EDIL3: variants seen among roughly 807,000 people sequenced by gnomAD.
EDIL3 encodes EGF like and discoidin domains 3, also known as EGF-like repeat and discoidin I-like domain-containing protein 3.
Under a neutral mutation model 67.4 loss-of-function variants are expected in EDIL3, and 37 were observed. That is an observed-to-expected ratio of 0.55 (90% CI 0.42 to 0.72). The LOEUF (loss-of-function observed/expected upper bound fraction) is 0.72, where lower values mean the gene tolerates loss of function less well. EDIL3 is among the 30% of genes least tolerant of loss of function. The pLI, the probability that EDIL3 is intolerant of heterozygous loss-of-function variation, is 0.00. For synonymous variants in EDIL3, 195 were observed against 196.3 expected, an observed-to-expected ratio of 0.99 and a Z score of 0.05; for missense variants, 527 against 586.3, an observed-to-expected ratio of 0.90 and a Z score of 1.04.
At chr5:83,993,069 G>A (rs1280302462) in intron 9 of EDIL3, among the ~76,000 whole-genome samples, 3 of 152,030 alleles carry the variant, frequency 2.0e-5, no homozygotes, top group Admixed American at 6.6e-5. Context: ...TAGTCAATAC[G>A]AAACATTAGA....
intron 9 of EDIL3, among the ~76,000 whole-genome samples, chr5:84,018,858 C>G (rs1003598722): frequency 3.3e-5 from 5 of 152,134 alleles, no homozygotes; most frequent in African/African-American, 9.7e-5. Context: ...CCATCTCACA[C>G]CAGTTAGAAT....
intron 3 of EDIL3, among the ~76,000 whole-genome samples, chr5:84,227,272 G>C (rs1439966182): frequency 6.6e-6 from 1 of 151,924 alleles, no homozygotes; most frequent in African/African-American, 2.4e-5. Flanking sequence ...ATTGGGCAAA[G>C]GACATGGACA....
chr5:84,205,063 C>A (rs577021968), intron 3 of EDIL3, among the ~76,000 whole-genome samples: 1 of 146,968 alleles, frequency 6.8e-6, no homozygotes, highest in African/African-American at 2.5e-5. Context: ...CAGGCACATG[C>A]CACCATGCCC....
intron 5 of EDIL3, among the ~76,000 whole-genome samples, chr5:84,130,776 T>C (rs1747950364): frequency 6.6e-6 from 1 of 152,166 alleles, no homozygotes; most frequent in African/African-American, 2.4e-5. Flanking sequence ...AACAGTGACA[T>C]CTTACAATAA....
chr5:84,318,431 A>T (rs1428802077), intron 1 of EDIL3, among the ~76,000 whole-genome samples: 2 of 152,190 alleles, frequency 1.3e-5, no homozygotes, highest in Non-Finnish European at 2.9e-5. Context: ...AGAAACCAAA[A>T]CAGCAAGGTA....
At chr5:83,986,367 G>GC (rs1745057485) in intron 9 of EDIL3, among the ~76,000 whole-genome samples, 1 of 152,074 alleles carries the variant, frequency 6.6e-6, no homozygotes, top group Non-Finnish European at 1.5e-5. Context: ...ACTTGAATTT[G>GC]TTATGCATTA....
At chr5:84,251,009 G>GT (rs1366397923) in intron 2 of EDIL3, among the ~76,000 whole-genome samples, 1 of 152,040 alleles carries the variant, frequency 6.6e-6, no homozygotes, top group Non-Finnish European at 1.5e-5. Context: ...TTGTTTGTTT[G>GT]TTTTTTAAAT....
intron 3 of EDIL3, among the ~76,000 whole-genome samples, chr5:84,208,938 C>G (rs567369496): frequency 6.6e-6 from 1 of 151,992 alleles, no homozygotes; most frequent in Non-Finnish European, 1.5e-5. Flanking sequence ...ATGTTTATTG[C>G]GGCATTATTC....
chr5:84,174,318 C>A (rs915648517), intron 4 of EDIL3, among the ~76,000 whole-genome samples: 1 of 152,166 alleles, frequency 6.6e-6, no homozygotes, highest in Admixed American at 6.5e-5. Context: ...TGTCTGAGGA[C>A]AGAGGCCATA....
At chr5:84,004,375 T>C (rs181598679) in intron 9 of EDIL3, among the ~76,000 whole-genome samples, 2 of 152,008 alleles carry the variant, frequency 1.3e-5, no homozygotes, top group Admixed American at 1.3e-4. Context: ...ACATACATTC[T>C]TCTCATCTCC....
chr5:84,349,211 T>G (rs527479146), intron 1 of EDIL3, among the ~76,000 whole-genome samples: 2 of 152,284 alleles, frequency 1.3e-5, no homozygotes, highest in Admixed American at 6.5e-5. Flanking sequence ...GAGGCAACAG[T>G]GCATCGGATT....
At chr5:84,144,277 CCTT>C (rs1748254363) in intron 4 of EDIL3, among the ~76,000 whole-genome samples, 1 of 65,044 alleles carries the variant, frequency 1.5e-5, no homozygotes, top group South Asian at 6.5e-4. Context: ...TCCTTTCCTT[CCTT>C]CCTTCCTTCC....
intron 1 of EDIL3, among the ~76,000 whole-genome samples, chr5:84,259,728 G>T (rs1407238719): frequency 6.6e-6 from 1 of 152,102 alleles, no homozygotes; most frequent in African/African-American, 2.4e-5. Flanking sequence ...CTTGTTGCCA[G>T]TCACCTCATG....
At chr5:84,111,678 A>C (rs1483549118) in intron 5 of EDIL3, among the ~76,000 whole-genome samples, 2 of 152,140 alleles carry the variant, frequency 1.3e-5, no homozygotes, top group African/African-American at 4.8e-5. Context: ...GGAAAAAAAG[A>C]AGGGTGAATC....
At chr5:84,258,319 A>G (rs1745159634) in intron 1 of EDIL3, among the ~76,000 whole-genome samples, 1 of 152,210 alleles carries the variant, frequency 6.6e-6, no homozygotes, top group Non-Finnish European at 1.5e-5. Context: ...TATGACACCA[A>G]TAAAAATAAA....
At chr5:84,362,357 C>G (rs1222979461) in intron 1 of EDIL3, among the ~76,000 whole-genome samples, 1 of 152,066 alleles carries the variant, frequency 6.6e-6, no homozygotes, top group Admixed American at 6.6e-5. Context: ...TAAATTGTAT[C>G]TTCCTCATTG....
intron 5 of EDIL3, among the ~76,000 whole-genome samples, chr5:84,112,655 TCTG>T (rs1747584493): frequency 6.6e-6 from 1 of 152,140 alleles, no homozygotes; most frequent in Non-Finnish European, 1.5e-5. Flanking sequence ...GATGTAAAAA[TCTG>T]CTTCTATGCT....
At chr5:84,226,823 T>C (rs1744461245) in intron 3 of EDIL3, among the ~76,000 whole-genome samples, 1 of 151,972 alleles carries the variant, frequency 6.6e-6, no homozygotes, top group Non-Finnish European at 1.5e-5. Context: ...ATAATTTAAA[T>C]TCTATGATGT....
intron 9 of EDIL3, among the ~76,000 whole-genome samples, chr5:84,053,509 T>C (rs58097721): frequency 0.011 from 1,686 of 152,128 alleles, 44 homozygotes; most frequent in African/African-American, 0.038. Flanking sequence ...AAAAAATCAA[T>C]GAATCCAGGA....
Sources: gnomAD v4.1 joint callset for allele counts (sites outside exome capture counted in the v4.1 genomes callset) on GRCh38, gnomAD v4.1.1 for gene constraint, MANE v1.5 for transcripts, NCBI Gene and HGNC (gene_info 2026-07-23, HGNC 2026-07-21) for gene names.